The following COL24A1 variants were observed in gnomAD, a reference collection of about 807,000 sequenced individuals.
COL24A1 encodes collagen type XXIV alpha 1 chain.
COL24A1 carries 224 observed loss-of-function variants against 253.9 expected under a neutral mutation model. The ratio of observed to expected loss-of-function variants is 0.88; its 90% CI spans 0.79 to 0.99. The LOEUF (loss-of-function observed/expected upper bound fraction) is 0.99. Among genes scored for constraint, COL24A1 ranks in the 50% least tolerant of loss-of-function variants. The probability of loss-of-function intolerance (pLI) is 0.00; values close to 1 mark genes in which losing one functional copy is unlikely to be tolerated. For synonymous variants in COL24A1, 685 were observed against 673.7 expected (o/e 1.02, Z -0.26); for missense variants, 2,131 against 2,068.5 (o/e 1.03, Z -0.59).
chr1:86,022,158 T>A, intron 18 of COL24A1, 82 bp downstream of exon 18: 1 of 1,192,278 alleles, frequency 8.4e-7, no homozygotes, highest in Non-Finnish European at 1.3e-6. Context: ...GCTTATACCC[T>A]ACTTAGATCA....
intron 20 of COL24A1, among the ~76,000 whole-genome samples, chr1:85,981,191 AAAGCAACACT>A (rs1237716334): frequency 2.0e-5 from 3 of 152,218 alleles, no homozygotes; most frequent in African/African-American, 7.2e-5. Context: ...CTGAATAGCC[AAAGCAACACT>A]AAGCAAAAAG....
Position 86,125,944 on chromosome 1 carries a change from A to C in COL24A1, c.392T>G (p.Leu131Arg), listed in dbSNP as rs1248951806. The change falls in exon 3 of 60, where the codon CTG becomes CGG. Residue 131 changes from leucine to arginine, a missense_variant. Physicochemically the swap from Leu to Arg is moderately radical, Grantham distance 102. Transcript: ENST00000370571. ...AGGTAGTAATTGTACTCCTAATTGCAGTCTATTTTTATTTCTAATGCTGAA... is the reference window on the plus strand; with the variant it reads ...AGGTAGTAATTGTACTCCTAATTGCCGTCTATTTTTATTTCTAATGCTGAA... ...FLFSIRNKNR[L>R]QLGVQLLPKK... The C allele has an allele frequency of 6.2e-7, 1 of 1,613,300 alleles. No homozygotes were observed. The highest frequency in any genetic ancestry group is 1.3e-5 in the African/African-American group (1 of 74,868).
chr1:86,029,725 C>T (rs1170145956), intron 14 of COL24A1: 1 of 151,048 alleles, frequency 6.6e-6, no homozygotes, highest in Non-Finnish European at 1.5e-5. Flanking sequence ...AGGAGATGCT[C>T]TCACCTCAGC....
chr1:85,870,248 G>T (rs1025476877), intron 35 of COL24A1, among the ~76,000 whole-genome samples: 1 of 152,032 alleles, frequency 6.6e-6, no homozygotes, highest in African/African-American at 2.4e-5. Flanking sequence ...AATAATAATG[G>T]GAGACTTTAA....
intron 20 of COL24A1, among the ~76,000 whole-genome samples, chr1:85,972,055 T>G (rs984094264): frequency 6.6e-6 from 1 of 152,180 alleles, no homozygotes; most frequent in African/African-American, 2.4e-5. Flanking sequence ...TAAAAAGTCT[T>G]AAATCAGAAA....
chr1:85,789,058 T>C (rs1013878293), intron 47 of COL24A1, among the ~76,000 whole-genome samples: 1 of 152,162 alleles, frequency 6.6e-6, no homozygotes, highest in Non-Finnish European at 1.5e-5. Flanking sequence ...TTTTTTTGCT[T>C]CATATGAATT....
rs1669111447 is a variant in COL24A1 at position 85,781,233 on chromosome 1, G to A, written c.4325C>T (p.Pro1442Leu). Residue 1442 changes from proline (P) to leucine (L), a missense_variant, in exon 52 of 60, where the codon CCA becomes CTA. Transcript: ENST00000370571. ...TGATAAACTTACAGTTCTACCTGTT[G>A]GGCCTATTATACCTTCTCTGCCAAG... ...GPLGREGIIG[P>L]TGRTGPRGEK... 1 of 1,604,104 alleles carries A rather than the reference G, an allele frequency of 6.2e-7. No homozygotes were observed. The highest frequency in any genetic ancestry group is 1.3e-5 in the African/African-American group (1 of 74,292).
chr1:86,048,086 A>G (rs1196636886), intron 11 of COL24A1, among the ~76,000 whole-genome samples: 1 of 152,184 alleles, frequency 6.6e-6, no homozygotes, highest in African/African-American at 2.4e-5. Flanking sequence ...TTTTAAAAAA[A>G]TAGAATAATT....
At chr1:85,858,664 C>T (rs967051403) in intron 37 of COL24A1, among the ~76,000 whole-genome samples, 1 of 149,570 alleles carries the variant, frequency 6.7e-6, no homozygotes. Context: ...TCCTTCCTTC[C>T]TTCCTTCCTT....
At chr1:86,117,904 G>C (rs1240285179) in intron 3 of COL24A1, among the ~76,000 whole-genome samples, 1 of 152,106 alleles carries the variant, frequency 6.6e-6, no homozygotes, top group Admixed American at 6.6e-5. Flanking sequence ...CCTTAGACAA[G>C]TCAGTTACTC....
intron 37 of COL24A1, among the ~76,000 whole-genome samples, chr1:85,857,280 G>T (rs112729942): frequency 7.9e-5 from 12 of 151,842 alleles, no homozygotes; most frequent in African/African-American, 2.9e-4. Flanking sequence ...AAACAGCTGG[G>T]AAGTTTGTGG....
intron 7 of COL24A1, among the ~76,000 whole-genome samples, chr1:86,066,568 C>A (rs558652018): frequency 6.6e-6 from 1 of 151,910 alleles, no homozygotes; most frequent in African/African-American, 2.4e-5. Flanking sequence ...CCCCTTTCTA[C>A]GCAATCCGAA....
At chr1:86,044,071 C>T (rs1399487926) in intron 12 of COL24A1, among the ~76,000 whole-genome samples, 3 of 152,102 alleles carry the variant, frequency 2.0e-5, no homozygotes, top group South Asian at 2.1e-4. Flanking sequence ...CCATATTCAT[C>T]TTCTACACAC....
chr1:86,107,679 C>T (rs1025922688), intron 5 of COL24A1, among the ~76,000 whole-genome samples: 19 of 151,962 alleles, frequency 1.3e-4, no homozygotes, highest in East Asian at 1.2e-3. Context: ...GGACTACAGG[C>T]GCCTCCCACC....
At chr1:85,858,363 A>T (rs1678693340) in intron 37 of COL24A1, among the ~76,000 whole-genome samples, 1 of 152,040 alleles carries the variant, frequency 6.6e-6, no homozygotes, top group African/African-American at 2.4e-5. Flanking sequence ...CCAATTATTT[A>T]CTATAATCTA....
chr1:85,953,572 T>C (rs4303095), intron 24 of COL24A1, among the ~76,000 whole-genome samples: 42,667 of 152,088 alleles, frequency 0.28, 6,064 homozygotes, highest in African/African-American at 0.31. Flanking sequence ...TCAGTAAGTG[T>C]CTTCTGAATG....
chr1:85,896,000 G>A (rs1558567229), intron 30 of COL24A1, 21 bp downstream of exon 30: 2 of 1,605,088 alleles, frequency 1.2e-6, no homozygotes, highest in African/African-American at 2.7e-5. Context: ...CATCTTTAAT[G>A]TGAAATGTTT....
chr1:85,900,792 G>T (rs1684207790), intron 28 of COL24A1, among the ~76,000 whole-genome samples: 1 of 152,104 alleles, frequency 6.6e-6, no homozygotes, highest in Non-Finnish European at 1.5e-5. Context: ...TGACAAAGGT[G>T]CCAAGAGCAC....
At chr1:86,004,219 A>G (rs952010485) in intron 19 of COL24A1, among the ~76,000 whole-genome samples, 1 of 152,222 alleles carries the variant, frequency 6.6e-6, no homozygotes, top group Non-Finnish European at 1.5e-5. Context: ...ACCTGGAAGT[A>G]TCAGCAGTTC....
Sources: gnomAD v4.1 joint callset for allele counts (sites outside exome capture counted in the v4.1 genomes callset) on GRCh38, gnomAD v4.1.1 for gene constraint, MANE v1.5 for transcripts, NCBI Gene and HGNC (gene_info 2026-07-23, HGNC 2026-07-21) for gene names.